Variants in ROBO2 observed in about 807,000 individuals in gnomAD.
The protein encoded by ROBO2 is roundabout homolog 2.
In ROBO2, 53 loss-of-function variants were observed where a neutral mutation model predicts 160.8. The ratio of observed to expected loss-of-function variants is 0.33; its 90% CI spans 0.26 to 0.41. ROBO2 has a LOEUF of 0.41. Ranked by LOEUF, ROBO2 falls within the 10% of genes least tolerant of loss-of-function variation. The pLI is 1.00. For missense variants in ROBO2, 1,577 were observed against 1,722.4 expected, an observed-to-expected ratio of 0.92 and a Z score of 1.49; for synonymous variants, 664 against 611.7, an observed-to-expected ratio of 1.09 and a Z score of -1.26.
intron 2 of ROBO2, among the ~76,000 whole-genome samples, chr3:77,183,241 A>G (rs2080962030): frequency 6.6e-6 from 1 of 152,044 alleles, no homozygotes; most frequent in Non-Finnish European, 1.5e-5. Context: ...GGAAATCTAG[A>G]ATTCCACATT....
At chr3:76,518,377 C>T (rs1037284119) in intron 2 of ROBO2, among the ~76,000 whole-genome samples, 3 of 151,962 alleles carry the variant, frequency 2.0e-5, no homozygotes, top group Non-Finnish European at 2.9e-5. Context: ...TTGATACAGG[C>T]GTGCCATGTA....
intron 2 of ROBO2, among the ~76,000 whole-genome samples, chr3:76,497,655 A>G (rs1235462686): frequency 6.6e-6 from 1 of 152,222 alleles, no homozygotes; most frequent in Admixed American, 6.5e-5. Flanking sequence ...TGGTAGTTAC[A>G]GGCAAGTCAC....
intron 2 of ROBO2, among the ~76,000 whole-genome samples, chr3:76,145,669 C>T (rs1049753890): frequency 1.3e-5 from 2 of 151,962 alleles, no homozygotes; most frequent in Admixed American, 6.6e-5. Context: ...TTATGTATAA[C>T]TCCTTAGAAA....
chr3:77,603,019 C>T, intron 20 of ROBO2: 1 of 456,724 alleles, frequency 2.2e-6, no homozygotes, highest in South Asian at 1.5e-5. Flanking sequence ...TTCAGCACCA[C>T]CAGCTCTCAC....
chr3:77,029,965 A>G (rs1465869140), intron 2 of ROBO2, among the ~76,000 whole-genome samples: 1 of 148,018 alleles, frequency 6.8e-6, no homozygotes, highest in Admixed American at 6.7e-5. Flanking sequence ...TTTTTTTTTG[A>G]GACAGAGTCT....
chr3:76,806,443 T>C (rs1393658545), intron 2 of ROBO2, among the ~76,000 whole-genome samples: 2 of 151,914 alleles, frequency 1.3e-5, no homozygotes, highest in Non-Finnish European at 2.9e-5. Context: ...AGAAGAAATA[T>C]TTTAGCAAAC....
intron 2 of ROBO2, among the ~76,000 whole-genome samples, chr3:76,898,672 AT>A (rs1402823857): frequency 6.6e-6 from 1 of 152,078 alleles, no homozygotes; most frequent in East Asian, 1.9e-4. Context: ...TTTAGGAGGA[AT>A]TTTACTTAGT....
chr3:76,172,622 T>C (rs1473779997), intron 2 of ROBO2, among the ~76,000 whole-genome samples: 1 of 151,832 alleles, frequency 6.6e-6, no homozygotes, highest in Non-Finnish European at 1.5e-5. Context: ...TTACCGAACA[T>C]ACTGACAACT....
chr3:77,170,896 T>C (rs772288865), intron 2 of ROBO2, among the ~76,000 whole-genome samples: 14 of 152,074 alleles, frequency 9.2e-5, no homozygotes, highest in East Asian at 3.9e-4. Context: ...GTGTTTGTAA[T>C]TGGGGAGATA....
rs146320902 is a variant in ROBO2 at position 76,735,786 on chromosome 3, A to AGGTG, written c.110-362226_110-362225insTGGG. On this transcript the variant is annotated intron_variant, in intron 2 of 26. Coordinates refer to the ROBO2 transcript ENST00000487694. Reference sequence around the variant, plus strand: ...AAAAAAAAAAAAAAAGAAAAAAAAAAGGGGAAAGGGAAAAGAAAAAAGAAA... The same window carrying AGGTG: ...AAAAAAAAAAAAAAAGAAAAAAAAAAGGTGGGGGAAAGGGAAAAGAAAAAAGAAA... Among the ~76,000 whole-genome samples the AGGTG allele has an allele frequency of 5.1e-4, 64 of 126,612 alleles. 4 individuals carry two copies. Among genetic ancestry groups the AGGTG allele is most frequent in the African/African-American group, 1.6e-3 (55 of 34,034 alleles). The allele number at this position is 126,612 out of a possible 152,430, so 83.1% of individuals were successfully genotyped here.
chr3:77,391,652 A>G (rs2074745645), intron 2 of ROBO2, among the ~76,000 whole-genome samples: 2 of 152,114 alleles, frequency 1.3e-5, no homozygotes, highest in Admixed American at 1.3e-4. Flanking sequence ...CTACAATTCA[A>G]AATAAGATTT....
intron 2 of ROBO2, among the ~76,000 whole-genome samples, chr3:77,226,684 A>G (rs1440589750): frequency 6.6e-6 from 1 of 152,124 alleles, no homozygotes; most frequent in Non-Finnish European, 1.5e-5. Context: ...TAATATACCT[A>G]ACCTACCCAA....
chr3:77,588,718 T>C lies in ROBO2; in HGVS notation c.2501-33T>C, dbSNP rs760625405. Reference sequence around the variant, plus strand: ...TATATTCCTGTGCTTATTTTCGTTTTAATATATACTAATACTATGGTTTTT... The same window carrying C: ...TATATTCCTGTGCTTATTTTCGTTTCAATATATACTAATACTATGGTTTTT... On this transcript the variant is annotated intron_variant, in intron 16 of 25. Transcript: ENST00000461745. 1.9e-6 allele frequency: 3 copies of C among 1,597,570 alleles called. No homozygotes were observed. The East Asian group carries it at 6.8e-5, about 36-fold the overall frequency.
intron 2 of ROBO2, among the ~76,000 whole-genome samples, chr3:75,955,112 A>G (rs908988596): frequency 7.2e-5 from 11 of 151,792 alleles, no homozygotes; most frequent in African/African-American, 2.7e-4. Context: ...GCTAGTACCA[A>G]TAGAAACAAA....
chr3:76,308,959 C>T (rs895311736), intron 2 of ROBO2, among the ~76,000 whole-genome samples: 2 of 152,172 alleles, frequency 1.3e-5, no homozygotes, highest in Non-Finnish European at 2.9e-5. Flanking sequence ...TCCGGCCAGA[C>T]CTTTCAGAAA....
intron 2 of ROBO2, among the ~76,000 whole-genome samples, chr3:76,116,581 G>A (rs1394576370): frequency 6.6e-6 from 1 of 152,164 alleles, no homozygotes; most frequent in Non-Finnish European, 1.5e-5. Flanking sequence ...GTCTTGCTGT[G>A]TAGGAGATAT....
At chr3:77,507,580 G>A (rs996452453) in intron 5 of ROBO2, among the ~76,000 whole-genome samples, 3 of 152,160 alleles carry the variant, frequency 2.0e-5, no homozygotes, top group Non-Finnish European at 4.4e-5. Flanking sequence ...TGTCCTGAAA[G>A]GACTTAAAGT....
intron 2 of ROBO2, among the ~76,000 whole-genome samples, chr3:77,261,076 G>C (rs1277788783): frequency 2.6e-5 from 4 of 152,154 alleles, no homozygotes; most frequent in Admixed American, 1.3e-4. Context: ...AGCCTGTCAC[G>C]TATCTGAGGA....
intron 2 of ROBO2, among the ~76,000 whole-genome samples, chr3:77,445,794 G>GTTTTTTT (rs199914360): frequency 5.7e-5 from 7 of 123,096 alleles, no homozygotes; most frequent in African/African-American, 2.2e-4. Flanking sequence ...GTTTTTTTTT[G>GTTTTTTT]TTTTTTTTTT....
Sources: gnomAD v4.1 joint callset for allele counts (sites outside exome capture counted in the v4.1 genomes callset) on GRCh38, gnomAD v4.1.1 for gene constraint, MANE v1.5 for transcripts, NCBI Gene and HGNC (gene_info 2026-07-23, HGNC 2026-07-21) for gene names.